Variants in KRT28 observed in about 807,000 individuals in gnomAD.
KRT28 encodes the protein keratin 28, also known as keratin, type I cytoskeletal 28.
In KRT28, 45 loss-of-function variants were observed where a neutral mutation model predicts 48.1. The ratio of observed to expected loss-of-function variants is 0.94; its 90% CI spans 0.74 to 1.20. The LOEUF (loss-of-function observed/expected upper bound fraction) is 1.20. Ranked by LOEUF, KRT28 falls within the 50% of genes most tolerant of loss-of-function variation. The pLI is 0.00. For missense variants in KRT28, 571 were observed against 574.1 expected, an observed-to-expected ratio of 0.99 and a Z score of 0.06; for synonymous variants, 228 against 227.4, an observed-to-expected ratio of 1.00 and a Z score of -0.03.
chr17:40,793,898 A>T lies in KRT28; in HGVS notation c.1127T>A (p.Leu376His), dbSNP rs565151324. The T allele has an allele frequency of 3.7e-6, 6 of 1,613,880 alleles. No homozygotes were observed. The highest frequency in any genetic ancestry group is 3.3e-5 in the Admixed American group (2 of 59,998). ...TTCCAAGTGGACCTTGACATCGAGG[A>T]GATGCTCATACTCCAGCTTCTGGCC... ...TEGQKLEYEH[L>H]LDVKVHLEKE... The change falls in exon 6 of 8, where the codon CTC becomes CAC. Residue 376 changes from leucine (L) to histidine (H), a missense_variant. Coordinates refer to ENST00000306658, the MANE Select transcript of KRT28 (RefSeq NM_181535.3).
chr17:40,795,587 A>G (rs1904594476), intron 5 of KRT28, among the ~76,000 whole-genome samples: 1 of 152,224 alleles, frequency 6.6e-6, no homozygotes, highest in African/African-American at 2.4e-5. Context: ...GGCCTCAGGG[A>G]TGTAAGTTAG....
chr17:40,799,767 T>G lies in KRT28; in HGVS notation c.127A>C (p.Ser43Arg), dbSNP rs554808804. The change falls in exon 1 of 8, where the codon AGT (serine) becomes CGT (arginine). Residue 43 changes from serine (S) to arginine (R), a missense_variant. By Grantham distance (110) the Ser-to-Arg change is moderately radical. Transcript: ENST00000306658. Reference sequence around the variant, plus strand: ...CCTCCCAAGGCACAGGAAAATTCACTTCCAGCAACAGAGCCACCACATGCA... The same window carrying G: ...CCTCCCAAGGCACAGGAAAATTCACGTCCAGCAACAGAGCCACCACATGCA... The part of the protein sequence containing the change: ...SSACGGSVAG[S>R]EFSCALGGGL... 6.2e-7 allele frequency: 1 copy of G among 1,613,788 alleles called. No homozygotes were observed. Among genetic ancestry groups the G allele is most frequent in the East Asian group, 2.2e-5 (1 of 44,864 alleles).
At chr17:40,792,629 T>A in intron 7 of KRT28, 60 bp from the exon 8 acceptor site, 1 of 1,237,348 alleles carries the variant, frequency 8.1e-7, no homozygotes. Flanking sequence ...ACAATTCCAC[T>A]GCTAGTTCAA....
intron 5 of KRT28, among the ~76,000 whole-genome samples, chr17:40,795,962 G>C (rs1019102628): frequency 3.9e-5 from 6 of 152,176 alleles, no homozygotes; most frequent in African/African-American, 1.2e-4. Context: ...AGGGAGAGGA[G>C]AAGAGGGCCA....
rs748981632 is a variant in KRT28 at position 40,797,151 on chromosome 17, C to A, written c.821G>T (p.Arg274Leu). ...ATTGAACCAGGCCTCCGCGTCCTTG[C>A]GGTTCTGCTCTGCAAGGGCTTCGTA... ...AEYEALAEQN[R>L]KDAEAWFNEK... Residue 274 changes from arginine (R) to leucine (L), a missense_variant, in exon 4 of 8, where the codon CGC becomes CTC. Transcript: ENST00000306658. 5.6e-6 allele frequency: 9 copies of A among 1,613,950 alleles called. No individual in the cohort carries two copies. Among genetic ancestry groups the A allele is most frequent in the Non-Finnish European group, 7.6e-6 (9 of 1,180,000 alleles).
In KRT28 at chr17:40,799,585, A is replaced by T; in HGVS notation, c.309T>A (p.Asn103Lys). Reference protein sequence around the residue: ...LNDRLASYLDNVRALEEANAE... With the variant: ...LNDRLASYLDKVRALEEANAE... ...CATTTGCCTCCTCCAGAGCTCGCAC[A>T]TTATCCAGGTAGGATGCCAAGCGGT... Residue 103 changes from asparagine to lysine, a missense_variant, in exon 1 of 8, where the codon AAT (asparagine) becomes AAA (lysine). Transcript: ENST00000306658. The T allele has an allele frequency of 1.2e-6, 2 of 1,614,152 alleles. No individual in the cohort carries two copies. Among genetic ancestry groups the T allele is most frequent in the Non-Finnish European group, 1.7e-6 (2 of 1,180,016 alleles).
In KRT28 at chr17:40,792,584, T is replaced by A; in HGVS notation, c.1253-15A>T. On this transcript the variant is annotated splice_polypyrimidine_tract_variant and intron_variant, in intron 7 of 7. Transcript: ENST00000306658. Reference sequence around the variant, plus strand: ...TTTGGATAAATCTAGAAATAAAACATAGGCATACATATATTCAACCAAAAA... The same window carrying A: ...TTTGGATAAATCTAGAAATAAAACAAAGGCATACATATATTCAACCAAAAA... The A allele has an allele frequency of 6.3e-7, 1 of 1,588,318 alleles. No individual in the cohort carries two copies. Among genetic ancestry groups the A allele is most frequent in the South Asian group, 1.1e-5 (1 of 87,740 alleles).
Position 40,797,115 on chromosome 17 carries a change from C to G in KRT28, c.852+5G>C. On this transcript the variant is annotated splice_donor_5th_base_variant and intron_variant, in intron 4 of 7. Transcript: ENST00000306658. ...GTGTGAGCAGGGAGACGGGGCCCAC[C>G]TCACCTTCTCATTGAACCAGGCCTC... 1 of 1,613,422 alleles carries G rather than the reference C, an allele frequency of 6.2e-7. No individual in the cohort carries two copies. The highest frequency in any genetic ancestry group is 1.3e-5 in the African/African-American group (1 of 75,034).
chr17:40,793,578 C>T (rs1044167903), intron 6 of KRT28, among the ~76,000 whole-genome samples: 14 of 151,998 alleles, frequency 9.2e-5, no homozygotes, highest in African/African-American at 2.9e-4. Context: ...AATCTTGAAA[C>T]CCACAGTGAT....
chr17:40,798,154 T>C (rs1044022049), intron 3 of KRT28, 81 bp downstream of exon 3: 2 of 1,345,730 alleles, frequency 1.5e-6, no homozygotes, highest in Non-Finnish European at 2.1e-6. Context: ...TGAATTACTA[T>C]TGTGATTTTA....
In KRT28 at chr17:40,799,719, C is replaced by T. The variant is rs776803339; in HGVS notation, c.175G>A (p.Gly59Arg). ...LGGGLGSVPG[G>R]SHAGGALGNA... ...CCAAGGGCACCACCAGCATGGCTCC[C>T]ACCAGGAACACTGCCCAAGCCCCCT... Residue 59 changes from glycine to arginine, a missense_variant, in exon 1 of 8, where the codon GGG becomes AGG. Coordinates refer to ENST00000306658, the MANE Select transcript of KRT28 (RefSeq NM_181535.3). 22 of 1,614,096 alleles carry T rather than the reference C, an allele frequency of 1.4e-5. No individual in the cohort carries two copies. Among genetic ancestry groups the T allele is most frequent in the Non-Finnish European group, 1.8e-5 (21 of 1,180,012 alleles).
At position 40,799,449 on chromosome 17, in the gene KRT28, T is replaced by C. The variant is rs1484207073; in HGVS notation, c.445A>G (p.Asn149Asp). 3 of 1,598,638 alleles carry C rather than the reference T, an allele frequency of 1.9e-6. No homozygotes were observed. The highest frequency in any genetic ancestry group is 1.7e-4 in the Middle Eastern group (1 of 6,020). Residue 149 changes from asparagine (N) to aspartate (D), a missense_variant, in exon 1 of 8, where the codon AAT becomes GAT. Coordinates refer to ENST00000306658, the MANE Select transcript of KRT28 (RefSeq NM_181535.3). ...CCAAATCTGTGATTTCTCACCTTATTCTTAAGATCCTCAATTGTTAGGTGA... is the reference window on the plus strand; with the variant it reads ...CCAAATCTGTGATTTCTCACCTTATCCTTAAGATCCTCAATTGTTAGGTGA... ...RYHLTIEDLKNKIISSTTTNA... is the reference protein window; with the variant it reads ...RYHLTIEDLKDKIISSTTTNA...
At position 40,799,925 on chromosome 17, in the gene KRT28, C is replaced by T. The variant is rs1203201888; in HGVS notation, c.-32G>A. 6.6e-7 allele frequency: 1 copy of T among 1,511,302 alleles called. No individual in the cohort carries two copies. Among genetic ancestry groups the T allele is most frequent in the South Asian group, 1.1e-5 (1 of 88,302 alleles). 93.6% of individuals were successfully genotyped at this position (1,511,302 alleles called of 1,614,324 possible). A position where few individuals can be genotyped will look rare whatever the true frequency, so the allele number is the denominator to read the frequency against. On this transcript the variant is annotated 5_prime_UTR_variant, in exon 1 of 8. Transcript: ENST00000306658. ...TTGAGAAATGTTCACCTTGTCTATG[C>T]AAAACTGTAATGTCCCAAGAGAACA...
At chr17:40,794,508 T>C (rs1597807410) in intron 5 of KRT28, among the ~76,000 whole-genome samples, 2 of 152,316 alleles carry the variant, frequency 1.3e-5, no homozygotes, top group African/African-American at 4.8e-5. Flanking sequence ...TTTTTTTTTC[T>C]CTAATCCATC....
Position 40,798,298 on chromosome 17 carries a change from G to C in KRT28, c.627C>G (p.Asp209Glu). 5 of 1,613,210 alleles carry C rather than the reference G, an allele frequency of 3.1e-6. No homozygotes were observed. The highest frequency in any genetic ancestry group is 4.2e-6 in the Non-Finnish European group (5 of 1,179,372). ...VLDELTLCRT[D>E]QELQYESLSE... is the part of the protein sequence containing the mutation. ...TCAGAGACTCATATTGCAGCTCCTG[G>C]TCGGTCCTGCAGAGCGTCAGCTCGT... The change falls in exon 3 of 8, where the codon GAC becomes GAG. Residue 209 changes from aspartate (D) to glutamate (E), a missense_variant. Transcript: ENST00000306658.
Position 40,797,293 on chromosome 17 carries a change from CA to C in KRT28, c.691-13del. 6.2e-7 allele frequency: 1 copy of C among 1,609,814 alleles called. No homozygotes were observed. The highest frequency in any genetic ancestry group is 8.5e-7 in the Non-Finnish European group (1 of 1,177,624). On this transcript the variant is annotated splice_polypyrimidine_tract_variant and intron_variant, in intron 3 of 7. Coordinates refer to ENST00000306658, the MANE Select transcript of KRT28 (RefSeq NM_181535.3). Reference sequence around the variant, plus strand: ...AGAGCCTTCATCTCCTGGAGAGAAGCAAGAGTGTGGCTTTAGGGGCATTGCA... The same window carrying C: ...AGAGCCTTCATCTCCTGGAGAGAAGCAGAGTGTGGCTTTAGGGGCATTGCA...
At chr17:40,795,495 T>C (rs1904592101) in intron 5 of KRT28, among the ~76,000 whole-genome samples, 1 of 152,146 alleles carries the variant, frequency 6.6e-6, no homozygotes, top group Non-Finnish European at 1.5e-5. Context: ...CGTGAACATT[T>C]GTGTATTTAG....
Position 40,798,941 on chromosome 17 carries a change from AG to A in KRT28, c.508del (p.Leu170TrpfsTer8). On this transcript the variant is annotated frameshift_variant, in exon 2 of 8. Transcript: ENST00000306658. LOFTEE classifies it high-confidence loss of function. ...NVILQIDNAR[L>X]AADDFRLKYE... is the part of the protein sequence containing the mutation. ...CTTTAGCCTGAAATCATCAGCAGCC[AG>A]TCTGGCATTATCAATCTGCAGAATG... is the stretch of plus-strand genomic sequence containing the variant. The A allele has an allele frequency of 2.5e-6, 4 of 1,608,150 alleles. No individual in the cohort carries two copies. In the South Asian group the frequency reaches 4.5e-5, roughly 18 times the overall value.
chr17:40,792,978 T>C (rs8071705), intron 7 of KRT28, among the ~76,000 whole-genome samples, 177 bp downstream of exon 7: 7,372 of 152,128 alleles, frequency 0.048, 551 homozygotes, highest in East Asian at 0.19. Context: ...TGGGTGCCTG[T>C]AATCCCAGCT....
Sources: allele counts gnomAD v4.1 joint callset (sites outside exome capture counted in the v4.1 genomes callset), GRCh38; gene constraint gnomAD v4.1.1; transcripts MANE v1.5; gene names NCBI Gene and HGNC (gene_info 2026-07-23, HGNC 2026-07-21).